Variants in CYRIA observed in about 807,000 individuals in gnomAD.
CYRIA encodes the protein CYFIP-related Rac1 interactor A.
Under a neutral mutation model 43.9 loss-of-function variants are expected in CYRIA, and 15 were observed. The observed-to-expected ratio is 0.34, with a 90% CI of 0.23 to 0.53. The LOEUF is 0.53. Among genes scored for constraint, CYRIA ranks in the 20% least tolerant of loss-of-function variants. The pLI is 0.94. For synonymous variants in CYRIA, 117 were observed against 136.0 expected, an observed-to-expected ratio of 0.86 and a Z score of 0.97; for missense variants, 236 against 394.2, an observed-to-expected ratio of 0.60 and a Z score of 3.40.
At chr2:16,602,612 GC>G (rs912401107) in intron 2 of CYRIA, among the ~76,000 whole-genome samples, 1 of 151,918 alleles carries the variant, frequency 6.6e-6, no homozygotes, top group African/African-American at 2.4e-5. Flanking sequence ...TAATATACAG[GC>G]CCCCTACATC....
intron 2 of CYRIA, among the ~76,000 whole-genome samples, chr2:16,613,828 C>T (rs906627518): frequency 1.3e-5 from 2 of 152,222 alleles, no homozygotes; most frequent in African/African-American, 4.8e-5. Flanking sequence ...CCAACGCTTA[C>T]TTAATGTAGT....
At position 16,650,602 on chromosome 2, in the gene CYRIA, C is replaced by T. The variant is rs1175154620; in HGVS notation, c.-167+15178G>A. ...CACTCAGAGGCTCCACAAAGCAACC[C>T]TAAACATCTCAGAGAGACTGGATGC... On this transcript the variant is annotated intron_variant, in intron 1 of 11. Transcript: ENST00000381323. The surrounding 1 kb of genome is among the most constrained non-coding windows in gnomAD (Gnocchi z 4.1). Among the ~76,000 whole-genome samples the T allele has an allele frequency of 6.6e-6, 1 of 152,204 alleles. No individual in the cohort carries two copies. Among genetic ancestry groups the T allele is most frequent in the Non-Finnish European group, 1.5e-5 (1 of 68,044 alleles).
intron 2 of CYRIA, among the ~76,000 whole-genome samples, chr2:16,588,962 A>G (rs1667830262): frequency 2.6e-5 from 4 of 152,154 alleles, no homozygotes; most frequent in Admixed American, 2.6e-4. Context: ...TCTCAACCTA[A>G]TAAAAAGAAT....
rs1666708714 is a variant in CYRIA at position 16,561,081 on chromosome 2, A to G, written c.631-12T>C. 1.2e-6 allele frequency: 2 copies of G among 1,613,076 alleles called. No individual in the cohort carries two copies. The highest frequency in any genetic ancestry group is 1.3e-5 in the African/African-American group (1 of 74,870). ...GGCAGAGTTTTGTTCTAAATGGGAG[A>G]CACAAATGTACATTAGTCCTGCTTG... On this transcript the variant is annotated splice_polypyrimidine_tract_variant and intron_variant, in intron 8 of 11. Transcript: ENST00000381323.
chr2:16,590,368 TC>T (rs1420684669), intron 2 of CYRIA, among the ~76,000 whole-genome samples: 1 of 152,160 alleles, frequency 6.6e-6, no homozygotes, highest in Non-Finnish European at 1.5e-5. Flanking sequence ...TGGAGTCACT[TC>T]TTGTAGGAAG....
intron 5 of CYRIA, 115 bp from the exon 6 acceptor site, chr2:16,562,256 C>CGTAGTTATCGGGAGA: frequency 8.8e-7 from 1 of 1,131,152 alleles, no homozygotes; most frequent in Non-Finnish European, 1.2e-6. Flanking sequence ...GAGTCTCTCC[C>CGTAGTTATCGGGAGA]GATAACTACG....
chr2:16,633,632 C>G (rs1669404465), intron 1 of CYRIA, among the ~76,000 whole-genome samples: 1 of 145,624 alleles, frequency 6.9e-6, no homozygotes. Context: ...CTGCCAGTCT[C>G]AGCCTCCCAC....
At position 16,623,663 on chromosome 2, in the gene CYRIA, C is replaced by T. The variant is rs573891353; in HGVS notation, c.-11+201G>A. Reference sequence around the variant, plus strand: ...CCCCTGCATGTAATTCTCAGCTACCCTCTTTCATTCCTTAACCCTCAAAAG... The same window carrying T: ...CCCCTGCATGTAATTCTCAGCTACCTTCTTTCATTCCTTAACCCTCAAAAG... On this transcript the variant is annotated intron_variant, in intron 2 of 11. Coordinates refer to ENST00000381323, the MANE Select transcript of CYRIA (RefSeq NM_030797.4). Among the ~76,000 whole-genome samples the T allele has an allele frequency of 3.9e-5, 6 of 152,318 alleles. No homozygotes were observed. The South Asian group carries it at 1.2e-3, about 32-fold the overall frequency.
chr2:16,634,671 G>C (rs867364572), intron 1 of CYRIA, among the ~76,000 whole-genome samples: 12 of 38,548 alleles, frequency 3.1e-4, no homozygotes, highest in Non-Finnish European at 3.6e-5. Context: ...CATGTGTCTG[G>C]GGGGTGGCAG....
chr2:16,626,453 C>T (rs1287666495), intron 1 of CYRIA, among the ~76,000 whole-genome samples: 1 of 152,152 alleles, frequency 6.6e-6, no homozygotes, highest in Admixed American at 6.6e-5. Flanking sequence ...TCACCCTCAC[C>T]CCACCTTCTC....
At chr2:16,619,121 T>G (rs1405950279) in intron 2 of CYRIA, among the ~76,000 whole-genome samples, 1 of 152,156 alleles carries the variant, frequency 6.6e-6, no homozygotes, top group Non-Finnish European at 1.5e-5. Flanking sequence ...GAACATCCAG[T>G]ACCACGAAGT....
chr2:16,575,343 G>A (rs1369945435), intron 3 of CYRIA, among the ~76,000 whole-genome samples: 2 of 152,110 alleles, frequency 1.3e-5, no homozygotes, highest in African/African-American at 2.4e-5. Context: ...GGGGACTGTT[G>A]GTAAGGCATG....
At chr2:16,637,333 A>T (rs937396623) in intron 1 of CYRIA, among the ~76,000 whole-genome samples, 21 of 152,352 alleles carry the variant, frequency 1.4e-4, no homozygotes, top group African/African-American at 5.1e-4. Flanking sequence ...GTGAGGGAAG[A>T]TTCTTTGGGA....
intron 1 of CYRIA, among the ~76,000 whole-genome samples, chr2:16,632,660 C>T (rs192155283): frequency 1.3e-5 from 2 of 152,202 alleles, no homozygotes; most frequent in Non-Finnish European, 2.9e-5. Context: ...AAATGAAAAA[C>T]TTCCATCATT....
At chr2:16,593,716 G>GTT (rs1668012009) in intron 2 of CYRIA, among the ~76,000 whole-genome samples, 1 of 87,154 alleles carries the variant, frequency 1.1e-5, no homozygotes, top group Admixed American at 1.2e-4. Flanking sequence ...TTGTGTGTGT[G>GTT]TGTTTTTTTT....
chr2:16,597,255 T>C (rs1394599433), intron 2 of CYRIA, among the ~76,000 whole-genome samples: 1 of 77,406 alleles, frequency 1.3e-5, no homozygotes, highest in African/African-American at 7.7e-5. Context: ...GTCTGCTTGG[T>C]GCAGAGCTGA....
At chr2:16,664,649 C>A (rs773081339) in intron 1 of CYRIA, among the ~76,000 whole-genome samples, 9 of 152,330 alleles carry the variant, frequency 5.9e-5, no homozygotes, top group Non-Finnish European at 1.2e-4. Context: ...CAAGTCCCAG[C>A]CTTCCAGGGT....
intron 2 of CYRIA, among the ~76,000 whole-genome samples, chr2:16,607,945 A>G (rs887304238): frequency 1.3e-5 from 2 of 152,040 alleles, no homozygotes; most frequent in South Asian, 4.1e-4. Flanking sequence ...TTGAACGCCT[A>G]AAGACGGCCT....
intron 1 of CYRIA, among the ~76,000 whole-genome samples, chr2:16,658,698 CT>C (rs754910919): frequency 1.3e-5 from 2 of 152,122 alleles, no homozygotes; most frequent in Admixed American, 6.6e-5. Context: ...CTTTCCTTTC[CT>C]TTTTTTCTTT....
Sources: gnomAD v4.1 joint callset for allele counts (sites outside exome capture counted in the v4.1 genomes callset) on GRCh38, gnomAD v4.1.1 for gene constraint, Gnocchi (gnomAD v3.1) non-coding constraint, MANE v1.5 for transcripts, NCBI Gene and HGNC (gene_info 2026-07-23, HGNC 2026-07-21) for gene names.